The following RNF17 variants were observed in gnomAD, a reference collection of about 807,000 sequenced individuals.
RNF17 encodes the protein spermatogenesis associated 23.
In RNF17, 31 loss-of-function variants were observed where a neutral mutation model predicts 200.5. The observed-to-expected ratio is 0.15, with a 90% CI of 0.12 to 0.21. The LOEUF (loss-of-function observed/expected upper bound fraction) is 0.21. Ranked by LOEUF, RNF17 falls within the 10% of genes least tolerant of loss-of-function variation. The pLI, the probability that RNF17 is intolerant of heterozygous loss-of-function variation, is 1.00. For synonymous variants in RNF17, 606 were observed against 637.8 expected (o/e 0.95, Z 0.75); for missense variants, 1,628 against 1,905.1 (o/e 0.85, Z 2.71).
the RNF17 span, among the ~76,000 whole-genome samples, chr13:24,757,963 C>T: frequency 3.3e-4 from 50 of 152,108 alleles, no homozygotes; most frequent in Admixed American, 2.6e-3. Flanking sequence ...GGTTTAGCAC[C>T]GCCTCTTTGG....
At chr13:24,778,440 G>T in intron 4 of RNF17, 34 bp downstream of exon 4, 1 of 1,380,224 alleles carries the variant, frequency 7.2e-7, no homozygotes, top group South Asian at 1.2e-5. Context: ...GTACGATGAA[G>T]GCAAACGTTT....
At chr13:24,751,616 G>A in the RNF17 span, 1 of 152,200 alleles carries the variant, frequency 6.6e-6, no homozygotes, top group South Asian at 2.1e-4. Flanking sequence ...GGTAGTAAAA[G>A]TCAAGTCTTC....
chr13:24,870,206 A>C (rs1252418575), intron 31 of RNF17, among the ~76,000 whole-genome samples: 2 of 151,850 alleles, frequency 1.3e-5, no homozygotes, highest in Non-Finnish European at 2.9e-5. Context: ...CGCGGCCTCC[A>C]AAAGTGCTGG....
At chr13:24,886,345 A>G in the RNF17 span, 1 of 1,289,298 alleles carries the variant, frequency 7.8e-7, no homozygotes, top group South Asian at 1.2e-5. Flanking sequence ...GCAGGTGGTC[A>G]GCCAACAAGC....
At position 24,844,500 on chromosome 13, in the gene RNF17, A is replaced by T. The variant is rs776438217; in HGVS notation, c.2832-152A>T. 568 of 615,784 alleles carry T rather than the reference A, an allele frequency of 9.2e-4. 1 individual carries two copies. Among genetic ancestry groups the T allele is most frequent in the Non-Finnish European group, 1.7e-4 (61 of 364,092 alleles). The allele number at this position is 615,784 out of a possible 1,614,324, so 38.1% of individuals were successfully genotyped here. On this transcript the variant is annotated intron_variant, in intron 20 of 35. Transcript: ENST00000255324. ...GGCAGAAGGAAGAGCTAGTTCAAAA[A>T]CCTGAGGAAGAAATACACTTGTACA...
chr13:24,791,459 T>C (rs1468031352), intron 9 of RNF17, among the ~76,000 whole-genome samples: 1 of 152,146 alleles, frequency 6.6e-6, no homozygotes, highest in Non-Finnish European at 1.5e-5. Context: ...AGGGGGAAGA[T>C]AGTATGTTGA....
At chr13:24,785,965 C>T (rs1277594939) in intron 6 of RNF17, among the ~76,000 whole-genome samples, 1 of 152,002 alleles carries the variant, frequency 6.6e-6, no homozygotes, top group Non-Finnish European at 1.5e-5. Flanking sequence ...TATTTTTTAT[C>T]CATTCTTCAG....
intron 2 of RNF17, among the ~76,000 whole-genome samples, chr13:24,774,257 A>G (rs896113616): frequency 6.6e-6 from 1 of 151,980 alleles, no homozygotes; most frequent in African/African-American, 2.4e-5. Context: ...GCTGGAGTGC[A>G]GTGATGCAAT....
chr13:24,888,143 C>T, the RNF17 span, among the ~76,000 whole-genome samples: 690 of 151,844 alleles, frequency 4.5e-3, no homozygotes, highest in Non-Finnish European at 7.2e-3. Flanking sequence ...AATGCAAAAG[C>T]GCATAGAAGA....
At chr13:24,854,719 ATCCCAAAGGATGAC>A (rs1892281073) in intron 25 of RNF17, among the ~76,000 whole-genome samples, 1 of 152,220 alleles carries the variant, frequency 6.6e-6, no homozygotes, top group African/African-American at 2.4e-5. Flanking sequence ...TGAAGATGGG[ATCCCAAAGGATGAC>A]TCCCACAATG....
At chr13:24,778,212 T>G in intron 3 of RNF17, 83 bp from the exon 4 acceptor site, 1 of 872,398 alleles carries the variant, frequency 1.1e-6, no homozygotes, top group East Asian at 2.6e-5. Flanking sequence ...CCATGAGCCA[T>G]GATGGTGCCA....
chr13:24,811,401 A>G (rs1362957648), intron 15 of RNF17, among the ~76,000 whole-genome samples: 2 of 151,856 alleles, frequency 1.3e-5, no homozygotes, highest in Non-Finnish European at 2.9e-5. Flanking sequence ...TTCATCTTCC[A>G]TCGCTGATAC....
chr13:24,782,164 TCTGGTG>T (rs1381779381), intron 6 of RNF17, among the ~76,000 whole-genome samples: 1 of 152,106 alleles, frequency 6.6e-6, no homozygotes, highest in East Asian at 1.9e-4. Flanking sequence ...CTATTTACCT[TCTGGTG>T]CTGAAGCTAA....
chr13:24,765,585 G>A (rs930872144), intron 1 of RNF17, among the ~76,000 whole-genome samples: 1 of 152,170 alleles, frequency 6.6e-6, no homozygotes, highest in African/African-American at 2.4e-5. Context: ...CTACCGTTAC[G>A]TAGAAAATTT....
chr13:24,829,192 C>G (rs1272748550), intron 16 of RNF17, among the ~76,000 whole-genome samples: 1 of 152,110 alleles, frequency 6.6e-6, no homozygotes, highest in Non-Finnish European at 1.5e-5. Flanking sequence ...TCATTGTCCT[C>G]CAGTATTGGA....
the RNF17 span, chr13:24,751,083 G>C: frequency 1.1e-3 from 164 of 152,130 alleles, no homozygotes; most frequent in African/African-American, 3.8e-3. Context: ...AGAGAATTTT[G>C]TATTGTTCAG....
chr13:24,783,287 A>T (rs937304587), intron 6 of RNF17, among the ~76,000 whole-genome samples: 1 of 152,126 alleles, frequency 6.6e-6, no homozygotes, highest in Admixed American at 6.5e-5. Flanking sequence ...TGCTGTTTTG[A>T]CTACTGTTGT....
In RNF17 at chr13:24,802,547, C is replaced by T. The variant is rs986022132; in HGVS notation, c.1925C>T (p.Ala642Val). 1.2e-6 allele frequency: 2 copies of T among 1,605,490 alleles called. No homozygotes were observed. Among genetic ancestry groups the T allele is most frequent in the Non-Finnish European group, 8.5e-7 (1 of 1,176,942 alleles). ...GATATGCCTGTGTCTCTTAGAGATG[C>T]GCTAGTTTTTATGGAACTAGCAAAG... ...SSDMPVSLRD[A>V]LVFMELAKFK... is the part of the protein sequence containing the mutation. Residue 642 changes from alanine (A) to valine (V), a missense_variant, in exon 14 of 36, where the codon GCG becomes GTG. By Grantham distance (64) the Ala-to-Val change is moderately conservative. Around this residue, in one of 5 missense-constraint regions of RNF17, gnomAD observed 289 missense variants for 384.9 expected, o/e 0.75. Coordinates refer to ENST00000255324, the MANE Select transcript of RNF17 (RefSeq NM_031277.3).
At chr13:24,760,806 A>C (rs1878671340), upstream of RNF17, among the ~76,000 whole-genome samples, 1 of 152,232 alleles carries the variant, frequency 6.6e-6, no homozygotes, top group Admixed American at 6.5e-5. Context: ...GAAAGTGAGC[A>C]AAGGACCTAA....
Sources: allele counts gnomAD v4.1 joint callset (sites outside exome capture counted in the v4.1 genomes callset), GRCh38; gene constraint gnomAD v4.1.1; regional missense constraint gnomAD v4.1.1; transcripts MANE v1.5; gene names NCBI Gene and HGNC (gene_info 2026-07-23, HGNC 2026-07-21).